The following PFKP variants were observed in gnomAD, a reference collection of about 807,000 sequenced individuals.
PFKP encodes ATP-dependent 6-phosphofructokinase, platelet type.
A neutral mutation model predicts 94.3 loss-of-function variants in PFKP; 101 were observed. The ratio of observed to expected loss-of-function variants is 1.07; its 90% CI spans 0.91 to 1.26. The LOEUF is 1.26. Ranked by LOEUF, PFKP falls within the 50% of genes most tolerant of loss-of-function variation. The pLI is 0.00. For missense variants in PFKP, 1,145 were observed against 1,103.3 expected, an observed-to-expected ratio of 1.04 and a Z score of -0.53; for synonymous variants, 573 against 432.6, an observed-to-expected ratio of 1.32 and a Z score of -4.03.
At chr10:3,101,806 C>A (rs1835019962) in intron 4 of PFKP, among the ~76,000 whole-genome samples, 2 of 152,192 alleles carry the variant, frequency 1.3e-5, no homozygotes, top group African/African-American at 4.8e-5. Context: ...TCACGACAGC[C>A]ATCTAAGCCA....
At chr10:3,124,596 C>A (rs1170102261) in intron 16 of PFKP, among the ~76,000 whole-genome samples, 1 of 152,154 alleles carries the variant, frequency 6.6e-6, no homozygotes, top group Admixed American at 6.5e-5. Context: ...GCTGCATGCC[C>A]CCTTCCCTGC....
intron 16 of PFKP, among the ~76,000 whole-genome samples, chr10:3,127,526 C>T (rs1363355522): frequency 2.0e-5 from 3 of 152,332 alleles, no homozygotes; most frequent in Middle Eastern, 3.4e-3. Flanking sequence ...CCTGAGGCCC[C>T]ACCCGTGCCT....
At chr10:3,112,331 C>G in intron 11 of PFKP, 45 bp downstream of exon 11, 1 of 1,436,032 alleles carries the variant, frequency 7.0e-7, no homozygotes, top group Non-Finnish European at 9.8e-7. Flanking sequence ...GAACACACAC[C>G]CCTCAGGCCC....
intron 17 of PFKP, among the ~76,000 whole-genome samples, chr10:3,130,297 C>T (rs1838431697): frequency 6.6e-6 from 1 of 152,234 alleles, no homozygotes; most frequent in Non-Finnish European, 1.5e-5. Context: ...CGCTGACAGT[C>T]ACCACCCACG....
At chr10:3,114,589 G>A (rs1313882542) in intron 13 of PFKP, among the ~76,000 whole-genome samples, 1 of 152,250 alleles carries the variant, frequency 6.6e-6, no homozygotes, top group East Asian at 1.9e-4. Context: ...TGGATGGTGA[G>A]CAGTGCTCAG....
chr10:3,100,124 C>T (rs1834859595), intron 3 of PFKP, among the ~76,000 whole-genome samples: 1 of 151,456 alleles, frequency 6.6e-6, no homozygotes, highest in Non-Finnish European at 1.5e-5. Context: ...GCACCCACTC[C>T]TCTGCAGCCC....
At chr10:3,130,358 C>T (rs1337337940) in intron 17 of PFKP, among the ~76,000 whole-genome samples, 3 of 152,284 alleles carry the variant, frequency 2.0e-5, no homozygotes, top group Non-Finnish European at 2.9e-5. Context: ...TCCTGAGGCC[C>T]CTGATGCTGC....
Position 3,117,432 on chromosome 10 carries a change from ATC to A in PFKP, c.1442+590_1442+591del, listed in dbSNP as rs753297603. ...GATCATGTCAGAGGTGCGAATATTA[ATC>A]TCTGTCATCACTACACATTACAATT... On this transcript the variant is annotated intron_variant, in intron 14 of 21. Transcript: ENST00000381125. Among the ~76,000 whole-genome samples, 20 of 152,312 alleles carry A rather than the reference ATC, an allele frequency of 1.3e-4. 1 individual carries two copies. Among genetic ancestry groups the A allele is most frequent in the Admixed American group, 5.2e-4 (8 of 15,304 alleles).
chr10:3,130,198 CAT>C (rs917936108), intron 17 of PFKP, among the ~76,000 whole-genome samples: 11 of 149,216 alleles, frequency 7.4e-5, no homozygotes, highest in Admixed American at 4.0e-4. Context: ...CTTCTAGTCT[CAT>C]GTGTGAAACA....
At chr10:3,128,274 C>G (rs1838171975) in intron 16 of PFKP, among the ~76,000 whole-genome samples, 1 of 152,190 alleles carries the variant, frequency 6.6e-6, no homozygotes, top group South Asian at 2.1e-4. Flanking sequence ...CCTCCCAAGT[C>G]AAATAACCAC....
At chr10:3,099,927 G>A (rs1368408951) in intron 3 of PFKP, among the ~76,000 whole-genome samples, 2 of 151,872 alleles carry the variant, frequency 1.3e-5, no homozygotes, top group Non-Finnish European at 2.9e-5. Flanking sequence ...GTATGTAGGT[G>A]TGTGAGTCTG....
chr10:3,099,420 G>C, intron 3 of PFKP, 68 bp downstream of exon 3: 1 of 1,221,112 alleles, frequency 8.2e-7, no homozygotes, highest in Non-Finnish European at 1.2e-6. Flanking sequence ...TAAATTCCCA[G>C]AACACTTGAG....
rs141448226 is a variant in PFKP, at chr10:3,113,416, T to C, written c.1269T>C (p.Ala423=). The part of the protein sequence containing the change: ...VAVINVGAPA[A]GMNAAVRSAV... ...TCATCAACGTGGGGGCACCCGCGGC[T>C]GGGATGAACGCAGCCGTACGCTCAG... is the stretch of plus-strand genomic sequence containing the variant. Residue 423 remains alanine (A), a synonymous_variant, in exon 13 of 22, where the codon GCT becomes GCC. Transcript: ENST00000381125. 5 of 1,602,150 alleles carry C rather than the reference T, an allele frequency of 3.1e-6. No individual in the cohort carries two copies. The highest frequency in any genetic ancestry group is 4.3e-6 in the Non-Finnish European group (5 of 1,172,568).
chr10:3,114,762 C>T (rs915123226), intron 13 of PFKP, among the ~76,000 whole-genome samples: 15 of 152,212 alleles, frequency 9.9e-5, no homozygotes, highest in Admixed American at 2.6e-4. Context: ...GCTCCAAGCC[C>T]GCACAGGGCA....
intron 20 of PFKP, 42 bp from the exon 21 acceptor site, chr10:3,135,694 T>C: frequency 8.1e-7 from 1 of 1,233,658 alleles, no homozygotes; most frequent in Admixed American, 1.7e-5. Context: ...CACCTGCCCA[T>C]GTTGACAGGG....
At chr10:3,135,684 C>G (rs2306317) in intron 20 of PFKP, 52 bp from the exon 21 acceptor site, 152,364 of 1,099,446 alleles carry the variant, frequency 0.14, 11,100 homozygotes, top group African/African-American at 0.16. Flanking sequence ...TCTGCTCCCC[C>G]ACCTGCCCAT....
Position 3,105,099 on chromosome 10 carries a change from T to A in PFKP, c.621-16T>A. 6.2e-7 allele frequency: 1 copy of A among 1,613,548 alleles called. No homozygotes were observed. Among genetic ancestry groups the A allele is most frequent in the East Asian group, 2.2e-5 (1 of 44,866 alleles). On this transcript the variant is annotated splice_polypyrimidine_tract_variant and intron_variant, in intron 5 of 21. Coordinates refer to ENST00000381125, the MANE Select transcript of PFKP (RefSeq NM_002627.5). ...TTTCTGAGCTGTGTCCGGGGCTCCC[T>A]CTGTTTCTCTTCCAGCCACCAGAGG...
chr10:3,068,644 G>A (rs970328825), intron 1 of PFKP: 4 of 984,748 alleles, frequency 4.1e-6, no homozygotes, highest in Non-Finnish European at 4.8e-6. Context: ...ATTGAAGAGC[G>A]GAAGGTGGCG....
chr10:3,092,778 G>C (rs1033711450), intron 2 of PFKP, among the ~76,000 whole-genome samples: 2 of 152,180 alleles, frequency 1.3e-5, no homozygotes, highest in Non-Finnish European at 2.9e-5. Context: ...TGAAGCTCCT[G>C]CTTTTACAAT....
Sources: gnomAD v4.1 joint callset for allele counts (sites outside exome capture counted in the v4.1 genomes callset) on GRCh38, gnomAD v4.1.1 for gene constraint, MANE v1.5 for transcripts, NCBI Gene and HGNC (gene_info 2026-07-23, HGNC 2026-07-21) for gene names.